Variants in TRIM5 observed in about 807,000 individuals in gnomAD.
TRIM5 encodes tripartite motif containing 5.
A neutral mutation model predicts 35.6 loss-of-function variants in TRIM5; 31 were observed. The ratio of observed to expected loss-of-function variants is 0.87; its 90% CI spans 0.65 to 1.18. The LOEUF (loss-of-function observed/expected upper bound fraction) is 1.18, where lower values mean the gene tolerates loss of function less well. TRIM5 is among the 50% of genes most tolerant of loss of function. The pLI is 0.00. For synonymous variants in TRIM5, 243 were observed against 215.6 expected (o/e 1.13, Z -1.11); for missense variants, 609 against 591.6 (o/e 1.03, Z -0.31).
the TRIM5 span, among the ~76,000 whole-genome samples, chr11:5,625,836 C>T: frequency 6.6e-6 from 1 of 152,220 alleles, no homozygotes; most frequent in African/African-American, 2.4e-5. Context: ...TCCTCTTAGA[C>T]ACACCTTGGC....
At chr11:5,634,570 C>G in the TRIM5 span, 3 of 1,485,968 alleles carry the variant, frequency 2.0e-6, no homozygotes, top group Non-Finnish European at 2.7e-6. Context: ...CTCCTAATCC[C>G]TTGCACAATA....
At chr11:5,641,409 G>A in the TRIM5 span, 1 of 1,211,348 alleles carries the variant, frequency 8.3e-7, no homozygotes, top group Non-Finnish European at 1.1e-6. Flanking sequence ...GAAGTTCAGA[G>A]CTACAGCCAA....
chr11:5,669,104 G>A (rs1234284702), intron 4 of TRIM5, among the ~76,000 whole-genome samples: 7 of 125,836 alleles, frequency 5.6e-5, no homozygotes, highest in South Asian at 2.3e-4. Context: ...TTTTTGATAC[G>A]GGGTTTCGCT....
the TRIM5 span, among the ~76,000 whole-genome samples, chr11:5,620,206 C>T: frequency 9.7e-6 from 1 of 102,892 alleles, no homozygotes; most frequent in African/African-American, 3.8e-5. Context: ...GAGACTGAGT[C>T]TCACTCTGTC....
At chr11:5,659,208 A>AC (rs1361975297), downstream of TRIM5, among the ~76,000 whole-genome samples, 2 of 151,840 alleles carry the variant, frequency 1.3e-5, no homozygotes, top group East Asian at 3.9e-4. Context: ...GTAAACACTC[A>AC]CCCCTAGAGG....
chr11:5,597,174 T>C, the TRIM5 span, among the ~76,000 whole-genome samples: 1 of 152,190 alleles, frequency 6.6e-6, no homozygotes, highest in Non-Finnish European at 1.5e-5. Context: ...ACTGGCTGTG[T>C]GCCCGAAGAC....
At chr11:5,642,295 G>A in the TRIM5 span, 2 of 934,392 alleles carry the variant, frequency 2.1e-6, no homozygotes, top group South Asian at 1.8e-5. Context: ...CTCAGGCTCA[G>A]GGAGAAGGGT....
At chr11:5,645,434 A>G in the TRIM5 span, among the ~76,000 whole-genome samples, 12,061 of 150,170 alleles carry the variant, frequency 0.08, 823 homozygotes, top group African/African-American at 0.17. Flanking sequence ...GGTTTGTTAT[A>G]TAGATCACCA....
chr11:5,678,153 A>T (rs1452967986), intron 4 of TRIM5, 51 bp downstream of exon 4: 17 of 1,489,058 alleles, frequency 1.1e-5, no homozygotes, highest in Non-Finnish European at 1.4e-5. Flanking sequence ...AGAAGGAAAT[A>T]GCCTTCACTT....
chr11:5,676,556 C>A (rs974360257), intron 4 of TRIM5, among the ~76,000 whole-genome samples: 2 of 152,038 alleles, frequency 1.3e-5, no homozygotes, highest in Non-Finnish European at 2.9e-5. Context: ...GATTCAATGC[C>A]ATCCCCATCA....
chr11:5,604,035 G>A, the TRIM5 span, among the ~76,000 whole-genome samples: 1 of 152,026 alleles, frequency 6.6e-6, no homozygotes, highest in Non-Finnish European at 1.5e-5. Context: ...TCGCTCTGTC[G>A]CCCAGGTTGG....
At chr11:5,627,810 A>C in the TRIM5 span, among the ~76,000 whole-genome samples, 1 of 152,214 alleles carries the variant, frequency 6.6e-6, no homozygotes, top group South Asian at 2.1e-4. Context: ...ATCCAGAAGA[A>C]GTGTCTAGGA....
chr11:5,622,040 T>C, the TRIM5 span, among the ~76,000 whole-genome samples: 3 of 152,168 alleles, frequency 2.0e-5, no homozygotes, highest in Non-Finnish European at 2.9e-5. Flanking sequence ...CTGAGATCTG[T>C]CTCAGATTTT....
At chr11:5,592,776 GC>G in the TRIM5 span, among the ~76,000 whole-genome samples, 1 of 151,764 alleles carries the variant, frequency 6.6e-6, no homozygotes, top group South Asian at 2.1e-4. Flanking sequence ...AATTTACCCG[GC>G]ACGGTGGTGT....
chr11:5,604,842 T>C, the TRIM5 span: 1 of 518,408 alleles, frequency 1.9e-6, no homozygotes, highest in African/African-American at 1.9e-5. Flanking sequence ...GACAATCACA[T>C]AGCAGAGGAA....
At chr11:5,649,320 C>A in the TRIM5 span, among the ~76,000 whole-genome samples, 5 of 152,282 alleles carry the variant, frequency 3.3e-5, no homozygotes, top group Admixed American at 2.6e-4. Flanking sequence ...CGAGTGATAG[C>A]GATTTCTACC....
chr11:5,665,942 TG>T (rs771597228), intron 6 of TRIM5, 38 bp downstream of exon 6: 15 of 1,576,612 alleles, frequency 9.5e-6, no homozygotes, highest in South Asian at 6.9e-5. Context: ...TAACACCACT[TG>T]AATTCCATAA....
At chr11:5,641,679 G>T in the TRIM5 span, among the ~76,000 whole-genome samples, 1 of 152,104 alleles carries the variant, frequency 6.6e-6, no homozygotes, top group Non-Finnish European at 1.5e-5. Flanking sequence ...GCCTCAGGAC[G>T]GTAGCTGTGA....
the TRIM5 span, among the ~76,000 whole-genome samples, chr11:5,655,016 C>G: frequency 6.6e-6 from 1 of 151,828 alleles, no homozygotes; most frequent in African/African-American, 2.4e-5. Flanking sequence ...CATGGTGAAA[C>G]CTGGTCTCAA....
Sources: allele counts gnomAD v4.1 joint callset (sites outside exome capture counted in the v4.1 genomes callset), GRCh38; gene constraint gnomAD v4.1.1; transcripts MANE v1.5; gene names NCBI Gene and HGNC (gene_info 2026-07-23, HGNC 2026-07-21).